Variants in FBXW8 observed in about 807,000 individuals in gnomAD.
FBXW8 encodes the protein F-box/WD repeat-containing protein 8.
Under a neutral mutation model 65.3 loss-of-function variants are expected in FBXW8, and 57 were observed. The ratio of observed to expected loss-of-function variants is 0.87; its 90% confidence interval spans 0.71 to 1.09. The LOEUF (loss-of-function observed/expected upper bound fraction) is 1.09. Ranked by LOEUF, FBXW8 falls within the 50% of genes least tolerant of loss-of-function variation. The probability of loss-of-function intolerance (pLI) is 0.00; values close to 1 mark genes in which losing one functional copy is unlikely to be tolerated. For missense variants in FBXW8, 777 were observed against 814.8 expected (o/e 0.95, Z 0.57); for synonymous variants, 308 against 330.2 (o/e 0.93, Z 0.73).
rs139060226 is a variant in FBXW8, at chr12:116,988,969, T to C, written c.1239+100T>C. 1.1e-3 allele frequency: 1,200 copies of C among 1,135,372 alleles called. 9 individuals are homozygous for C. The African/African-American group carries it at 0.017, about 16-fold the overall frequency. The allele number at this position is 1,135,372 out of a possible 1,614,324, so 70.3% of individuals were successfully genotyped here. On this transcript the variant is annotated intron_variant, in intron 7 of 10. Transcript: ENST00000652555. ...AAGCTCTTCAATATTTTTCCAGATA[T>C]ATCAGGCCAGTATATAAGCATGGTC... is the stretch of plus-strand genomic sequence containing the variant.
chr12:116,977,021 C>T (rs897532344), intron 5 of FBXW8, among the ~76,000 whole-genome samples: 4 of 152,178 alleles, frequency 2.6e-5, no homozygotes, highest in African/African-American at 9.7e-5. Flanking sequence ...AGCCCCACCC[C>T]AGACATCGGG....
At chr12:116,965,863 A>G (rs367549853) in intron 5 of FBXW8, among the ~76,000 whole-genome samples, 1 of 151,358 alleles carries the variant, frequency 6.6e-6, no homozygotes, top group African/African-American at 2.4e-5. Flanking sequence ...GGATCCAGTG[A>G]TCCTCCCACC....
rs191980912 is a variant in FBXW8 at position 116,936,511 on chromosome 12, G to T, written c.423+8384G>T. 6.6e-6 allele frequency among the ~76,000 whole-genome samples: 1 copy of T among 152,296 alleles called. No individual in the cohort carries two copies. Among genetic ancestry groups the T allele is most frequent in the Admixed American group, 6.5e-5 (1 of 15,300 alleles). On this transcript the variant is annotated intron_variant, in intron 2 of 10. Transcript: ENST00000652555. The surrounding 1 kb of genome is among the most constrained non-coding windows in gnomAD (Gnocchi z 4.6). ...GCATTACAAGTCTTGTAAGAGGGAG[G>T]CAGGACGTCAGGGAGGAGAGAAGAT... is the stretch of plus-strand genomic sequence containing the variant.
At chr12:116,964,652 G>A in intron 4 of FBXW8, 45 bp from the exon 5 acceptor site, 1 of 1,610,206 alleles carries the variant, frequency 6.2e-7, no homozygotes, top group South Asian at 1.1e-5. Context: ...CCATAGCCCT[G>A]CTCTTCAATC....
At chr12:117,022,930 G>A (rs1340830287) in intron 8 of FBXW8, among the ~76,000 whole-genome samples, 1 of 152,134 alleles carries the variant, frequency 6.6e-6, no homozygotes, top group African/African-American at 2.4e-5. Flanking sequence ...TGTCCTGTGT[G>A]CCTCCATGGA....
chr12:116,967,525 G>T (rs1361047166), intron 5 of FBXW8, among the ~76,000 whole-genome samples: 1 of 152,182 alleles, frequency 6.6e-6, no homozygotes. Context: ...GTCACCAAAA[G>T]TATGTGAGAG....
rs189715344 is a variant in FBXW8 at position 117,010,994 on chromosome 12, G to A, written c.1367+544G>A. Reference sequence around the variant, plus strand: ...CTGGCTTAGGGAGTCGGATTTTCCCGGTATAGGGGCCTGTGCCAGCCCCGG... The same window carrying A: ...CTGGCTTAGGGAGTCGGATTTTCCCAGTATAGGGGCCTGTGCCAGCCCCGG... On this transcript the variant is annotated intron_variant, in intron 8 of 10. Coordinates refer to ENST00000652555, the MANE Select transcript of FBXW8 (RefSeq NM_153348.3). 1.6e-3 allele frequency among the ~76,000 whole-genome samples: 238 copies of A among 152,312 alleles called. 4 individuals are homozygous for A. Among genetic ancestry groups the A allele is most frequent in the Admixed American group, 0.014 (218 of 15,304 alleles).
At chr12:116,913,425 C>T (rs1248060016) in intron 1 of FBXW8, among the ~76,000 whole-genome samples, 1 of 152,170 alleles carries the variant, frequency 6.6e-6, no homozygotes, top group Non-Finnish European at 1.5e-5. Context: ...TACTGTTGAC[C>T]AGAAGCCTTA....
At chr12:116,966,237 C>T (rs1379887412) in intron 5 of FBXW8, among the ~76,000 whole-genome samples, 1 of 152,154 alleles carries the variant, frequency 6.6e-6, no homozygotes, top group Non-Finnish European at 1.5e-5. Context: ...ACCATAAGAG[C>T]AGCTTGAACA....
At chr12:117,003,160 T>A (rs1359330005) in intron 7 of FBXW8, 1 of 152,290 alleles carries the variant, frequency 6.6e-6, no homozygotes, top group Admixed American at 6.5e-5. Context: ...AAATCGACTT[T>A]GTGTGTTCAT....
In FBXW8 at chr12:117,031,105, T is replaced by G. The variant is rs1441645894; in HGVS notation, c.*2933T>G. ...AACACTGTCGGACTTGCTTTCTGCT[T>G]TATGATGTCCGTAGTTGTTCTAATA... On this transcript the variant is annotated 3_prime_UTR_variant, in exon 11 of 11. Transcript: ENST00000652555. 1 of 152,218 alleles carries G rather than the reference T, an allele frequency of 6.6e-6. No individual in the cohort carries two copies. Among genetic ancestry groups the G allele is most frequent in the Non-Finnish European group, 1.5e-5 (1 of 68,048 alleles). 9.4% of individuals were successfully genotyped at this position (152,218 alleles called of 1,614,324 possible).
At chr12:116,953,137 T>G (rs1289446763) in intron 4 of FBXW8, among the ~76,000 whole-genome samples, 1 of 152,240 alleles carries the variant, frequency 6.6e-6, no homozygotes, top group Non-Finnish European at 1.5e-5. Context: ...CAGACTCCCC[T>G]TGTCCCCTGC....
intron 1 of FBXW8, among the ~76,000 whole-genome samples, chr12:116,918,714 C>T (rs781090373): frequency 1.2e-4 from 18 of 152,124 alleles, no homozygotes; most frequent in Admixed American, 2.6e-4. Context: ...ATTGCCCATT[C>T]CTGAAGATGA....
At chr12:116,953,512 C>T (rs997914089) in intron 4 of FBXW8, among the ~76,000 whole-genome samples, 2 of 152,208 alleles carry the variant, frequency 1.3e-5, no homozygotes, top group South Asian at 2.1e-4. Flanking sequence ...TGGCTCACGC[C>T]TGTAATCCCA....
chr12:117,006,666 A>C (rs1207388466), intron 7 of FBXW8, among the ~76,000 whole-genome samples: 1 of 152,222 alleles, frequency 6.6e-6, no homozygotes, highest in Non-Finnish European at 1.5e-5. Context: ...GGCCCCGTCT[A>C]TGGAGGAGCA....
At chr12:116,995,934 C>T (rs1953363382) in intron 7 of FBXW8, among the ~76,000 whole-genome samples, 1 of 152,192 alleles carries the variant, frequency 6.6e-6, no homozygotes, top group Non-Finnish European at 1.5e-5. Flanking sequence ...TCCATGGACA[C>T]ATATTTATGA....
At chr12:116,958,220 G>A (rs1187351397) in intron 4 of FBXW8, among the ~76,000 whole-genome samples, 1 of 152,184 alleles carries the variant, frequency 6.6e-6, no homozygotes, top group Non-Finnish European at 1.5e-5. Context: ...GTGGGATTGA[G>A]TTCATTTTGT....
At chr12:116,977,488 G>A (rs115228650) in intron 5 of FBXW8, 274 of 152,158 alleles carry the variant, frequency 1.8e-3, no homozygotes, top group African/African-American at 6.4e-3. Context: ...ACACAAAAAT[G>A]GAACGAATAG....
intron 7 of FBXW8, among the ~76,000 whole-genome samples, chr12:116,994,498 GT>G (rs1268978125): frequency 6.6e-6 from 1 of 152,194 alleles, no homozygotes; most frequent in Non-Finnish European, 1.5e-5. Context: ...CTGCCACCCA[GT>G]TTCTCTATCT....
Sources: allele counts gnomAD v4.1 joint callset (sites outside exome capture counted in the v4.1 genomes callset), GRCh38; gene constraint gnomAD v4.1.1; non-coding constraint Gnocchi (gnomAD v3.1); transcripts MANE v1.5; gene names NCBI Gene and HGNC (gene_info 2026-07-23, HGNC 2026-07-21).